Variants in MOV10L1 observed in about 807,000 individuals in gnomAD.
MOV10L1 encodes Mov10 like RNA helicase 1.
In MOV10L1, 110 loss-of-function variants were observed where a neutral mutation model predicts 143.8. The observed-to-expected ratio is 0.76, with a 90% CI of 0.66 to 0.90. The LOEUF (loss-of-function observed/expected upper bound fraction) is 0.90, where lower values mean the gene tolerates loss of function less well. Among genes scored for constraint, MOV10L1 ranks in the 40% least tolerant of loss-of-function variants. The pLI, the probability that MOV10L1 is intolerant of heterozygous loss-of-function variation, is 0.00. For synonymous variants in MOV10L1, 593 were observed against 581.1 expected (o/e 1.02, Z -0.29); for missense variants, 1,406 against 1,526.8 (o/e 0.92, Z 1.32).
At chr22:50,139,619 A>G (rs1197471211) in intron 15 of MOV10L1, among the ~76,000 whole-genome samples, 2 of 152,206 alleles carry the variant, frequency 1.3e-5, no homozygotes, top group African/African-American at 2.4e-5. Flanking sequence ...ATATTTGCAA[A>G]TCACATCTGA....
chr22:50,125,717 G>A, intron 11 of MOV10L1, 148 bp downstream of exon 11: 2 of 727,544 alleles, frequency 2.7e-6, no homozygotes, highest in Non-Finnish European at 2.2e-6. Flanking sequence ...AGCAACCGAT[G>A]TACATCAAGC....
At chr22:50,131,732 AAAAG>A (rs1402081834) in intron 13 of MOV10L1, among the ~76,000 whole-genome samples, 6 of 144,582 alleles carry the variant, frequency 4.1e-5, no homozygotes, top group South Asian at 2.3e-4. Flanking sequence ...GAAAAAAAAA[AAAAG>A]AAAATCAGTT....
intron 3 of MOV10L1, among the ~76,000 whole-genome samples, chr22:50,105,525 G>C (rs969645966): frequency 6.6e-6 from 1 of 152,102 alleles, no homozygotes; most frequent in Middle Eastern, 3.2e-3. Flanking sequence ...TTCCTCCATT[G>C]TTTTTCCATG....
chr22:50,147,845 C>T (rs1179198874), intron 19 of MOV10L1, among the ~76,000 whole-genome samples: 1 of 152,206 alleles, frequency 6.6e-6, no homozygotes, highest in Non-Finnish European at 1.5e-5. Context: ...TGCTGATTTC[C>T]ACATCTTTCA....
At chr22:50,117,016 CT>C in intron 8 of MOV10L1, 140 bp from the exon 9 acceptor site, 1 of 814,218 alleles carries the variant, frequency 1.2e-6, no homozygotes, top group Non-Finnish European at 1.9e-6. Context: ...TAGAAGATCT[CT>C]TTTTTCTCTG....
intron 11 of MOV10L1, 98 bp from the exon 12 acceptor site, chr22:50,126,104 C>A (rs879702124): frequency 5.0e-6 from 4 of 792,138 alleles, no homozygotes; most frequent in Admixed American, 2.2e-5. Context: ...ACCCCAGTAA[C>A]GTTTTATTGA....
At chr22:50,100,681 G>T (rs1352849761) in intron 3 of MOV10L1, among the ~76,000 whole-genome samples, 1 of 151,924 alleles carries the variant, frequency 6.6e-6, no homozygotes, top group Non-Finnish European at 1.5e-5. Flanking sequence ...AACTTTTTGT[G>T]TCTTTAGTAG....
chr22:50,158,361 G>A lies in MOV10L1; in HGVS notation c.3216+155G>A. ...ACTTGAATGTCGTTCAACATGAGAG[G>A]TCACCCAACTGCCATCCATGGGCCA... is the stretch of plus-strand genomic sequence containing the variant. On this transcript the variant is annotated intron_variant, in intron 23 of 26. Coordinates refer to ENST00000262794, the MANE Select transcript of MOV10L1 (RefSeq NM_018995.3). This position sits in a 1 kb window ranked among gnomAD's most constrained non-coding sequence, Gnocchi z 5.0. The A allele has an allele frequency of 1.1e-6, 1 of 900,998 alleles. No individual in the cohort carries two copies. Among genetic ancestry groups the A allele is most frequent in the South Asian group, 1.8e-5 (1 of 54,314 alleles). The allele number at this position is 900,998 out of a possible 1,614,324, so 55.8% of individuals were successfully genotyped here.
chr22:50,149,596 T>C lies in MOV10L1; in HGVS notation c.2628-19T>C. 6.2e-7 allele frequency: 1 copy of C among 1,612,990 alleles called. No homozygotes were observed. The highest frequency in any genetic ancestry group is 8.5e-7 in the Non-Finnish European group (1 of 1,179,152). On this transcript the variant is annotated intron_variant, in intron 19 of 26. Transcript: ENST00000262794. The stretch of plus-strand genomic sequence containing the variant: ...AAACAATTCGGCAGAAATTACCATT[T>C]AGAACATCTTTGCTCTAGAGTTGGG...
In MOV10L1 at chr22:50,126,099, A is replaced by G. The variant is rs1204235227; in HGVS notation, c.1748-103A>G. On this transcript the variant is annotated intron_variant, in intron 11 of 26. Coordinates refer to ENST00000262794, the MANE Select transcript of MOV10L1 (RefSeq NM_018995.3). ...GAGCCACTGCACCCAGCCTGACCCC[A>G]GTAACGTTTTATTGAACCTCCTCAG... The G allele has an allele frequency of 2.6e-5, 20 of 759,380 alleles. No individual in the cohort carries two copies. In the Admixed American group the frequency reaches 4.2e-4, roughly 16 times the overall value. 47.0% of individuals were successfully genotyped at this position (759,380 alleles called of 1,614,324 possible).
chr22:50,145,620 A>G, intron 18 of MOV10L1, 69 bp from the exon 19 acceptor site: 1 of 1,592,310 alleles, frequency 6.3e-7, no homozygotes. Context: ...GTACCAGGGC[A>G]AGGTTCCCTT....
intron 13 of MOV10L1, 79 bp downstream of exon 13, chr22:50,128,586 C>A: frequency 1.3e-6 from 1 of 742,282 alleles, no homozygotes; most frequent in Non-Finnish European, 2.2e-6. Context: ...ATTCTGTTGC[C>A]CAGGCTGGAT....
chr22:50,142,280 G>A, intron 16 of MOV10L1, 91 bp downstream of exon 16: 1 of 998,146 alleles, frequency 1.0e-6, no homozygotes. Flanking sequence ...CATGCAGAAG[G>A]AAGAACAGTA....
chr22:50,098,262 TTAA>T (rs201105637), intron 2 of MOV10L1, among the ~76,000 whole-genome samples: 1,178 of 85,858 alleles, frequency 0.014, 24 homozygotes, highest in Admixed American at 0.099. Flanking sequence ...GATTAACATC[TTAA>T]TAATCACATA....
chr22:50,144,985 C>T (rs917243834), intron 18 of MOV10L1, among the ~76,000 whole-genome samples: 1 of 152,052 alleles, frequency 6.6e-6, no homozygotes, highest in Non-Finnish European at 1.5e-5. Context: ...TCTTGTTGCC[C>T]AGGCTGGAGT....
At chr22:50,142,044 G>A in intron 15 of MOV10L1, 37 bp from the exon 16 acceptor site, 5 of 1,584,206 alleles carry the variant, frequency 3.2e-6, no homozygotes, top group Non-Finnish European at 4.3e-6. Context: ...AAACACAGCT[G>A]TTTTTTTAAA....
chr22:50,157,774 A>AC (rs2063463337), intron 22 of MOV10L1, among the ~76,000 whole-genome samples: 1 of 151,766 alleles, frequency 6.6e-6, no homozygotes. Flanking sequence ...AAAAAAAAAA[A>AC]AAAAAAAGAT....
intron 2 of MOV10L1, among the ~76,000 whole-genome samples, chr22:50,098,933 T>G (rs1052961387): frequency 6.6e-6 from 1 of 152,250 alleles, no homozygotes; most frequent in Non-Finnish European, 1.5e-5. Flanking sequence ...TCATCGTGAT[T>G]TTTTCCCTCA....
In MOV10L1 at chr22:50,158,391, C is replaced by T. The variant is rs2063479814; in HGVS notation, c.3216+185C>T. 2 of 639,514 alleles carry T rather than the reference C, an allele frequency of 3.1e-6. No homozygotes were observed. The highest frequency in any genetic ancestry group is 3.5e-5 in the Admixed American group (1 of 28,898). 39.6% of individuals were successfully genotyped at this position (639,514 alleles called of 1,614,324 possible). On this transcript the variant is annotated intron_variant, in intron 23 of 26. Coordinates refer to ENST00000262794, the MANE Select transcript of MOV10L1 (RefSeq NM_018995.3). The surrounding 1 kb of genome is among the most constrained non-coding windows in gnomAD (Gnocchi z 5.0). Reference sequence around the variant, plus strand: ...CCAACTGCCATCCATGGGCCAGTTCCGGGCAGCTGCCAGCTTTTCTACGGC... The same window carrying T: ...CCAACTGCCATCCATGGGCCAGTTCTGGGCAGCTGCCAGCTTTTCTACGGC...
Sources: allele counts gnomAD v4.1 joint callset (sites outside exome capture counted in the v4.1 genomes callset), GRCh38; gene constraint gnomAD v4.1.1; non-coding constraint Gnocchi (gnomAD v3.1); transcripts MANE v1.5; gene names NCBI Gene and HGNC (gene_info 2026-07-23, HGNC 2026-07-21).